The following FGF13 variants were observed in gnomAD, a reference collection of about 807,000 sequenced individuals.
FGF13 encodes fibroblast growth factor homologous factor 2.
FGF13 carries 2 observed loss-of-function variants against 19.5 expected under a neutral mutation model. The observed-to-expected ratio is 0.10, with a 90% confidence interval of 0.04 to 0.32. FGF13 has a LOEUF of 0.32. Ranked by LOEUF, FGF13 falls within the 10% of genes least tolerant of loss-of-function variation. FGF13 has a pLI of 1.00. For synonymous variants in FGF13, 72 were observed against 76.9 expected (o/e 0.94, Z 0.33); for missense variants, 113 against 192.7 (o/e 0.59, Z 2.45).
intron 1 of FGF13, among the ~76,000 whole-genome samples, chrX:139,067,492 GACAA>G (rs1358319428): frequency 2.7e-5 from 3 of 111,357 alleles, no homozygotes; most frequent in African/African-American, 6.5e-5. Context: ...ACCAATAATA[GACAA>G]ACAGAGAGCC....
At chrX:138,882,115 C>G (rs961792973) in intron 1 of FGF13, among the ~76,000 whole-genome samples, 4 of 110,952 alleles carry the variant, frequency 3.6e-5, no homozygotes, top group Non-Finnish European at 7.6e-5. Context: ...TTTCATTAAT[C>G]TCAATGTATT....
chrX:138,722,169 GT>G (rs2090151987), intron 1 of FGF13, among the ~76,000 whole-genome samples: 1 of 111,577 alleles, frequency 9.0e-6, no homozygotes, highest in East Asian at 2.8e-4. Flanking sequence ...TCCAACCAAG[GT>G]TTCTAACTCT....
chrX:138,808,399 C>G (rs1411328385), intron 3 of FGF13, among the ~76,000 whole-genome samples: 1 of 111,717 alleles, frequency 9.0e-6, no homozygotes, highest in African/African-American at 3.3e-5. Flanking sequence ...CAAATGAGAA[C>G]AAAGACACAA....
In FGF13 at chrX:138,618,424, T is replaced by C. The variant is rs2088987195; in HGVS notation, c.*14426A>G. On this transcript the variant is annotated 3_prime_UTR_variant, in exon 5 of 5. Coordinates refer to ENST00000315930, the MANE Select transcript of FGF13 (RefSeq NM_004114.5). ...ACTCAGAATACTGAGGGGATCATCATGTCTGAGTGACTGAGAGGCTGTGAG... is the reference window on the plus strand; with the variant it reads ...ACTCAGAATACTGAGGGGATCATCACGTCTGAGTGACTGAGAGGCTGTGAG... The C allele has an allele frequency of 9.0e-6, 1 of 111,616 alleles. No homozygotes were observed. Among genetic ancestry groups the C allele is most frequent in the Non-Finnish European group, 1.9e-5 (1 of 53,161 alleles). The allele number at this position is 111,616 out of a possible 1,213,427, so 9.2% of individuals were successfully genotyped here.
Position 138,633,001 on chromosome X carries a change from A to G in FGF13, c.602-15T>C. On this transcript the variant is annotated splice_polypyrimidine_tract_variant and intron_variant, in intron 4 of 4. Transcript: ENST00000315930. The stretch of plus-strand genomic sequence containing the variant: ...GTACATGGCCACTGAAAAGCACACA[A>G]AGATGGTGTAAAAGGCCTTCAAATG... 2 of 1,200,564 alleles carry G rather than the reference A, an allele frequency of 1.7e-6. No homozygotes were observed. The highest frequency in any genetic ancestry group is 2.3e-6 in the Non-Finnish European group (2 of 888,021).
chrX:138,916,659 C>T (rs1466007964), intron 1 of FGF13, among the ~76,000 whole-genome samples: 2 of 112,421 alleles, frequency 1.8e-5, no homozygotes, highest in Non-Finnish European at 3.8e-5. Context: ...GCCTAAGAGA[C>T]TGATCACATT....
At chrX:138,988,331 T>A (rs922380759) in intron 1 of FGF13, among the ~76,000 whole-genome samples, 1 of 112,330 alleles carries the variant, frequency 8.9e-6, no homozygotes, top group African/African-American at 3.2e-5. Flanking sequence ...TAATTTTTAT[T>A]ACAGGTGAAA....
intron 3 of FGF13, among the ~76,000 whole-genome samples, chrX:138,745,310 GGA>G (rs1454325675): frequency 1.8e-5 from 2 of 111,966 alleles, no homozygotes; most frequent in Non-Finnish European, 3.8e-5. Flanking sequence ...TGGCAACGGT[GGA>G]GAGTTATTCC....
intron 1 of FGF13, among the ~76,000 whole-genome samples, chrX:139,024,515 G>A (rs773792693): frequency 9.0e-6 from 1 of 111,327 alleles, no homozygotes; most frequent in Admixed American, 9.5e-5. Flanking sequence ...AAGTCCCTTT[G>A]TCATCTACAG....
At chrX:138,933,824 C>T (rs507888) in intron 1 of FGF13, among the ~76,000 whole-genome samples, 21,175 of 110,155 alleles carry the variant, frequency 0.19, 1,516 homozygotes, top group East Asian at 0.39. Flanking sequence ...ACTAAGTTCA[C>T]GTATCTGTCT....
At chrX:139,159,591 G>A (rs1234315052) in intron 1 of FGF13, among the ~76,000 whole-genome samples, 1 of 102,826 alleles carries the variant, frequency 9.7e-6, no homozygotes, top group South Asian at 4.6e-4. Flanking sequence ...CTCATCTCAC[G>A]TGCAAAGACG....
chrX:138,812,853 C>G (rs1370210167), intron 3 of FGF13, among the ~76,000 whole-genome samples: 2 of 110,622 alleles, frequency 1.8e-5, no homozygotes, highest in Admixed American at 1.9e-4. Flanking sequence ...TCCCCTCAAC[C>G]CCACCCTGTA....
chrX:139,137,366 C>T (rs1395400790), intron 1 of FGF13, among the ~76,000 whole-genome samples: 3 of 112,157 alleles, frequency 2.7e-5, no homozygotes, highest in East Asian at 5.7e-4. Flanking sequence ...ACATACCAAC[C>T]AAATTTCCAA....
chrX:138,640,276 C>CAT (rs1414388766), intron 3 of FGF13, among the ~76,000 whole-genome samples: 1 of 111,766 alleles, frequency 8.9e-6, no homozygotes, highest in African/African-American at 3.3e-5. Context: ...CTTCTCAGGG[C>CAT]ATATTAAGAC....
At chrX:138,678,356 T>G (rs1181299164) in intron 3 of FGF13, among the ~76,000 whole-genome samples, 7 of 111,446 alleles carry the variant, frequency 6.3e-5, no homozygotes, top group Non-Finnish European at 1.3e-4. Context: ...TCCCTAAAAC[T>G]TAAAGTATAA....
At chrX:139,124,244 T>C (rs780359444) in intron 1 of FGF13, among the ~76,000 whole-genome samples, 19 of 112,894 alleles carry the variant, frequency 1.7e-4, no homozygotes, top group Middle Eastern at 4.6e-3. Flanking sequence ...AGACGTCATG[T>C]GTTCAGCCAT....
intron 1 of FGF13, among the ~76,000 whole-genome samples, chrX:138,893,988 A>T (rs1435790343): frequency 8.1e-5 from 9 of 111,779 alleles, no homozygotes; most frequent in African/African-American, 2.9e-4. Context: ...TTACGAGGTT[A>T]TTAGTAATTC....
intron 1 of FGF13, among the ~76,000 whole-genome samples, chrX:139,174,515 C>A (rs1285888490): frequency 8.9e-6 from 1 of 112,279 alleles, no homozygotes; most frequent in Non-Finnish European, 1.9e-5. Flanking sequence ...AGGTTTTCTT[C>A]TAGGGTGTTC....
intron 3 of FGF13, among the ~76,000 whole-genome samples, chrX:138,765,754 A>G (rs1335492134): frequency 9.0e-6 from 1 of 111,409 alleles, no homozygotes; most frequent in Non-Finnish European, 1.9e-5. Context: ...TCCCCATTGC[A>G]CTAGAGAAAA....
Sources: allele counts gnomAD v4.1 joint callset (sites outside exome capture counted in the v4.1 genomes callset), GRCh38; gene constraint gnomAD v4.1.1; transcripts MANE v1.5; gene names NCBI Gene and HGNC (gene_info 2026-07-23, HGNC 2026-07-21).